The following THSD4 variants were observed in gnomAD, a reference collection of about 807,000 sequenced individuals.
THSD4 encodes the protein thrombospondin type 1 domain containing 4.
Under a neutral mutation model 119.0 loss-of-function variants are expected in THSD4, and 69 were observed. The observed-to-expected ratio is 0.58, with a 90% confidence interval of 0.48 to 0.71. The LOEUF (loss-of-function observed/expected upper bound fraction) is 0.71, where lower values mean the gene tolerates loss of function less well. Ranked by LOEUF, THSD4 falls within the 30% of genes least tolerant of loss-of-function variation. The pLI is 0.00. For missense variants in THSD4, 1,393 were observed against 1,391.1 expected (o/e 1.00, Z -0.02); for synonymous variants, 524 against 540.4 (o/e 0.97, Z 0.42).
In THSD4 at chr15:71,418,447, T is replaced by C. The variant is rs748465264; in HGVS notation, c.1152+6624T>C. On this transcript the variant is annotated intron_variant, in intron 7 of 17. Transcript: ENST00000261862. ...GCATGTTCCTTCTATACCCAACTTT[T>C]TGAGGGTTTTTATCATGAAGGGATG... Among the ~76,000 whole-genome samples the C allele has an allele frequency of 2.7e-5, 3 of 109,096 alleles. 1 individual carries two copies. The highest frequency in any genetic ancestry group is 4.1e-5 in the Non-Finnish European group (2 of 49,344). The allele number at this position is 109,096 out of a possible 152,430, so 71.6% of individuals were successfully genotyped here.
chr15:71,615,004 C>T (rs985405087), intron 7 of THSD4, among the ~76,000 whole-genome samples: 23 of 152,150 alleles, frequency 1.5e-4, no homozygotes, highest in African/African-American at 5.6e-4. Context: ...AGGAAGATGC[C>T]ACCCTCTCTA....
chr15:71,232,513 G>A (rs998466763), intron 4 of THSD4, among the ~76,000 whole-genome samples: 1 of 152,116 alleles, frequency 6.6e-6, no homozygotes, highest in Admixed American at 6.5e-5. Flanking sequence ...GCCCCCGAGA[G>A]TACTAACAGT....
intron 6 of THSD4, among the ~76,000 whole-genome samples, chr15:71,308,181 A>G (rs181218933): frequency 6.6e-6 from 1 of 152,308 alleles, no homozygotes; most frequent in East Asian, 1.9e-4. Flanking sequence ...TATTCCAAGG[A>G]CCCAGAGGTT....
intron 7 of THSD4, among the ~76,000 whole-genome samples, chr15:71,493,983 A>G (rs1451816553): frequency 1.3e-5 from 2 of 152,178 alleles, no homozygotes; most frequent in Non-Finnish European, 2.9e-5. Context: ...GGTTGTCCCT[A>G]GCAGCCTTGG....
chr15:71,644,029 T>C (rs2050919318), intron 7 of THSD4, among the ~76,000 whole-genome samples: 1 of 152,170 alleles, frequency 6.6e-6, no homozygotes, highest in South Asian at 2.1e-4. Context: ...ATTATGAAAA[T>C]ACTGAAGTAG....
At chr15:71,297,683 A>G (rs542929968) in intron 6 of THSD4, among the ~76,000 whole-genome samples, 4 of 152,206 alleles carry the variant, frequency 2.6e-5, no homozygotes, top group African/African-American at 9.6e-5. Context: ...TATGTTGCCC[A>G]GGCTGGATTC....
At chr15:71,289,276 A>C (rs1033873910) in intron 6 of THSD4, among the ~76,000 whole-genome samples, 4 of 152,128 alleles carry the variant, frequency 2.6e-5, no homozygotes, top group Non-Finnish European at 5.9e-5. Context: ...GGGAGGTGGC[A>C]CTGCTGGGAG....
chr15:71,782,258 GGGTGTCCATCGTGCTGA>G lies in THSD4; in HGVS notation c.*4887_*4903del, dbSNP rs2054010124. 1 of 151,902 alleles carries G rather than the reference GGGTGTCCATCGTGCTGA, an allele frequency of 6.6e-6. No homozygotes were observed. Among genetic ancestry groups the G allele is most frequent in the African/African-American group, 2.4e-5 (1 of 41,386 alleles). 9.4% of individuals were successfully genotyped at this position (151,902 alleles called of 1,614,324 possible). On this transcript the variant is annotated 3_prime_UTR_variant, in exon 18 of 18. Transcript: ENST00000261862. Reference sequence around the variant, plus strand: ...TTCAGCAGATAATGATGGAGGGGGGGGGTGTCCATCGTGCTGAGGGTGTGACCGCAAGAGGGTGAAAA... The same window carrying G: ...TTCAGCAGATAATGATGGAGGGGGGGGGGTGTGACCGCAAGAGGGTGAAAA...
intron 6 of THSD4, among the ~76,000 whole-genome samples, chr15:71,333,536 C>T (rs377008939): frequency 6.6e-6 from 1 of 152,104 alleles, no homozygotes; most frequent in Non-Finnish European, 1.5e-5. Flanking sequence ...GTCATTCTGG[C>T]ATCTATAATT....
At chr15:71,596,307 GTGGTTT>G (rs1167441089) in intron 7 of THSD4, among the ~76,000 whole-genome samples, 3 of 152,156 alleles carry the variant, frequency 2.0e-5, no homozygotes, top group Non-Finnish European at 4.4e-5. Context: ...TGACATTGTT[GTGGTTT>G]TCTCTCTTTC....
chr15:71,610,052 T>C (rs543865873), intron 7 of THSD4, among the ~76,000 whole-genome samples: 4 of 152,268 alleles, frequency 2.6e-5, no homozygotes, highest in African/African-American at 9.6e-5. Flanking sequence ...GAAAACTGTT[T>C]GCAGAGAGAT....
intron 7 of THSD4, among the ~76,000 whole-genome samples, chr15:71,598,435 C>T (rs1220407502): frequency 6.6e-6 from 1 of 152,082 alleles, no homozygotes; most frequent in Non-Finnish European, 1.5e-5. Context: ...TACGTGATAT[C>T]AAGTATAAAT....
At chr15:71,180,583 A>G (rs1018885713) in intron 3 of THSD4, among the ~76,000 whole-genome samples, 19 of 152,228 alleles carry the variant, frequency 1.2e-4, no homozygotes, top group East Asian at 1.9e-4. Context: ...TTATACCTCA[A>G]TGAAACTGTT....
intron 8 of THSD4, among the ~76,000 whole-genome samples, chr15:71,681,674 C>CA (rs147593449): frequency 0.43 from 42,696 of 99,828 alleles, 7,001 homozygotes; most frequent in Non-Finnish European, 0.44. Flanking sequence ...AACTTCGTCT[C>CA]AAAAAAAAAA....
chr15:71,537,508 C>G (rs950897399), intron 7 of THSD4, among the ~76,000 whole-genome samples: 2 of 152,256 alleles, frequency 1.3e-5, no homozygotes, highest in Middle Eastern at 3.4e-3. Context: ...ACAAGCCAAT[C>G]TCTCTAATGA....
In THSD4 at chr15:71,765,046, G is replaced by C; in HGVS notation, c.2616G>C (p.Thr872=). The C allele has an allele frequency of 6.2e-7, 1 of 1,614,122 alleles. No individual in the cohort carries two copies. The highest frequency in any genetic ancestry group is 8.5e-7 in the Non-Finnish European group (1 of 1,179,992). The change falls in exon 16 of 18, where the codon ACG becomes ACC. Residue 872 remains threonine (T), a synonymous_variant. Transcript: ENST00000261862. ...GTTCCATCGAGTGTGGGAGCGGGACGCAACAGAGGGAGGTGATTTGTGTTA... is the reference window on the plus strand; with the variant it reads ...GTTCCATCGAGTGTGGGAGCGGGACCCAACAGAGGGAGGTGATTTGTGTTA... ...SQCSIECGSG[T]QQREVICVRK... is the part of the protein sequence containing the mutation.
chr15:71,389,750 A>G (rs2046346774), intron 6 of THSD4, among the ~76,000 whole-genome samples: 1 of 150,686 alleles, frequency 6.6e-6, no homozygotes, highest in Non-Finnish European at 1.5e-5. Flanking sequence ...TCCCACCAAC[A>G]GTATATATAA....
intron 6 of THSD4, among the ~76,000 whole-genome samples, chr15:71,374,324 A>G (rs762704511): frequency 6.6e-5 from 10 of 152,186 alleles, no homozygotes; most frequent in African/African-American, 1.2e-4. Flanking sequence ...TCTGTCGAGC[A>G]CTCAGTATGC....
intron 5 of THSD4, 71 bp downstream of exon 5, chr15:71,243,167 A>G (rs2044169939): frequency 1.4e-6 from 2 of 1,478,714 alleles, no homozygotes; most frequent in Non-Finnish European, 1.8e-6. Flanking sequence ...GGCACTAAGC[A>G]TGATGAAGAC....
Sources: allele counts gnomAD v4.1 joint callset (sites outside exome capture counted in the v4.1 genomes callset), GRCh38; gene constraint gnomAD v4.1.1; transcripts MANE v1.5; gene names NCBI Gene and HGNC (gene_info 2026-07-23, HGNC 2026-07-21).